The following GPM6B variants were observed in gnomAD, a reference collection of about 807,000 sequenced individuals.
GPM6B encodes neuronal membrane glycoprotein M6-b.
A neutral mutation model predicts 27.2 loss-of-function variants in GPM6B; 4 were observed. The observed-to-expected ratio is 0.15, with a 90% CI of 0.07 to 0.34. The LOEUF (loss-of-function observed/expected upper bound fraction) is 0.34, where lower values mean the gene tolerates loss of function less well. Among genes scored for constraint, GPM6B ranks in the 10% least tolerant of loss-of-function variants. The pLI, the probability that GPM6B is intolerant of heterozygous loss-of-function variation, is 1.00. For missense variants in GPM6B, 183 were observed against 261.9 expected, an observed-to-expected ratio of 0.70 and a Z score of 2.08; for synonymous variants, 124 against 103.1, an observed-to-expected ratio of 1.20 and a Z score of -1.23.
chrX:13,850,920 T>A (rs2049708616), intron 1 of GPM6B, among the ~76,000 whole-genome samples: 2 of 111,007 alleles, frequency 1.8e-5, no homozygotes, highest in Admixed American at 1.9e-4. Flanking sequence ...TCCCAGCACT[T>A]TGGGAGGCCA....
intron 1 of GPM6B, among the ~76,000 whole-genome samples, chrX:13,832,938 T>C (rs749241635): frequency 8.9e-6 from 1 of 112,062 alleles, no homozygotes; most frequent in South Asian, 3.8e-4. Flanking sequence ...TAGCACAGAA[T>C]CTGCAGATTT....
chrX:13,864,634 C>T (rs895085860), intron 1 of GPM6B, among the ~76,000 whole-genome samples: 1 of 112,594 alleles, frequency 8.9e-6, no homozygotes, highest in African/African-American at 3.2e-5. Context: ...AATATACTCA[C>T]TCATCGGTGA....
intron 4 of GPM6B, 57 bp from the exon 5 acceptor site, chrX:13,780,046 C>G: frequency 9.9e-7 from 1 of 1,012,535 alleles, no homozygotes. Flanking sequence ...TGTGTGTCCC[C>G]TAAGTGGAAG....
intron 1 of GPM6B, among the ~76,000 whole-genome samples, chrX:13,931,443 G>C (rs978914891): frequency 4.8e-5 from 5 of 104,989 alleles, no homozygotes; most frequent in Admixed American, 1.0e-4. Context: ...AGCCGAGATC[G>C]CACCACTGCA....
Position 13,931,420 on chromosome X carries a change from A to G in GPM6B, c.-198+6907T>C, listed in dbSNP as rs181089055. Among the ~76,000 whole-genome samples the G allele has an allele frequency of 4.0e-3, 428 of 107,552 alleles. 2 individuals are homozygous for G. Among genetic ancestry groups the G allele is most frequent in the Middle Eastern group, 9.6e-3 (2 of 208 alleles). The allele number at this position is 107,552 out of a possible 115,157, so 93.4% of individuals were successfully genotyped here. On this transcript the variant is annotated intron_variant, in intron 1 of 6. Transcript: ENST00000398361. ...AGAGAATGGCGTGAACCCAGGAGGC[A>G]GAGCTTGCAGTGAGCCGAGATCGCA... is the stretch of plus-strand genomic sequence containing the variant.
intron 2 of GPM6B, among the ~76,000 whole-genome samples, chrX:13,786,268 A>C (rs1433639950): frequency 3.6e-5 from 4 of 112,310 alleles, no homozygotes; most frequent in Non-Finnish European, 5.6e-5. Context: ...CTGGGGTTTC[A>C]ATACGTCTGC....
intron 1 of GPM6B, among the ~76,000 whole-genome samples, chrX:13,885,432 C>A (rs66634009): frequency 0.083 from 9,237 of 111,380 alleles, 500 homozygotes; most frequent in South Asian, 0.22. Flanking sequence ...CAAATAGAAG[C>A]ATTCAAAAAT....
At chrX:13,842,709 A>G (rs1402238202) in intron 1 of GPM6B, among the ~76,000 whole-genome samples, 3 of 110,676 alleles carry the variant, frequency 2.7e-5, no homozygotes, top group African/African-American at 1.0e-4. Context: ...TGAGGCCCCC[A>G]TGTCTACAAA....
intron 2 of GPM6B, among the ~76,000 whole-genome samples, chrX:13,802,298 C>T (rs921577710): frequency 9.1e-6 from 1 of 110,209 alleles, no homozygotes; most frequent in Admixed American, 9.7e-5. Context: ...ACAGAAAGCC[C>T]GAGATCAACA....
chrX:13,832,175 T>C (rs1008400489), intron 1 of GPM6B, among the ~76,000 whole-genome samples: 4 of 111,822 alleles, frequency 3.6e-5, no homozygotes, highest in African/African-American at 1.3e-4. Context: ...AGTGAGCATG[T>C]AGTTGTCACC....
chrX:13,804,813 GA>G (rs11371329), intron 2 of GPM6B, among the ~76,000 whole-genome samples: 5 of 98,519 alleles, frequency 5.1e-5, no homozygotes, highest in Non-Finnish European at 6.1e-5. Context: ...AAAAAAAAAA[GA>G]AAAAAAAAAG....
intron 1 of GPM6B, among the ~76,000 whole-genome samples, chrX:13,892,636 T>G (rs1484149832): frequency 1.8e-5 from 2 of 112,026 alleles, no homozygotes; most frequent in Non-Finnish European, 3.8e-5. Flanking sequence ...CTCAAGTGAT[T>G]CTCCTGTCTT....
chrX:13,926,054 C>CAAAAAAAAAAAAAAAAAAA (rs772441542), intron 1 of GPM6B, among the ~76,000 whole-genome samples: 5 of 99,201 alleles, frequency 5.0e-5, no homozygotes, highest in African/African-American at 1.9e-4. Context: ...GACTCCATCT[C>CAAAAAAAAAAAAAAAAAAA]AAAAAAAAAA....
chrX:13,825,067 C>G (rs1401396562), intron 1 of GPM6B, among the ~76,000 whole-genome samples: 1 of 111,695 alleles, frequency 9.0e-6, no homozygotes, highest in Non-Finnish European at 1.9e-5. Flanking sequence ...ATAAGGACAC[C>G]AGTCACATTG....
chrX:13,849,856 C>G (rs1451202156), intron 1 of GPM6B, among the ~76,000 whole-genome samples: 1 of 109,839 alleles, frequency 9.1e-6, no homozygotes, highest in Non-Finnish European at 1.9e-5. Flanking sequence ...GTCAGGAGTT[C>G]GATACCAGCC....
rs2048600461 is a variant in GPM6B, at chrX:13,785,754, A to G, written c.236T>C (p.Val79Ala). ...CCCGGAGAAGCAGAGGATGGTGGCC[A>G]CCAGGGAGGCGTAGGGGACTCCTCC... ...CLGGVPYASLVATILCFSGVA... is the reference protein window; with the variant it reads ...CLGGVPYASLAATILCFSGVA... Residue 79 changes from valine (V) to alanine (A), a missense_variant, in exon 3 of 8, where the codon GTG becomes GCG. By Grantham distance (64) the Val-to-Ala change is moderately conservative. Transcript: ENST00000316715. 1.7e-6 allele frequency: 2 copies of G among 1,211,134 alleles called. No individual in the cohort carries two copies. Among genetic ancestry groups the G allele is most frequent in the Non-Finnish European group, 2.2e-6 (2 of 894,738 alleles).
In GPM6B at chrX:13,877,900, G is replaced by A. The variant is rs182295885; in HGVS notation, c.-198+60427C>T. On this transcript the variant is annotated intron_variant, in intron 1 of 6. Coordinates refer to the GPM6B transcript ENST00000398361. ...TTTTTCCCCTAGTTTAAGTCCTTCT[G>A]ACATTTCACAACTAAATATCTCAGT... 3.1e-5 allele frequency among the ~76,000 whole-genome samples: 3 copies of A among 97,378 alleles called. No individual in the cohort carries two copies. In the East Asian group the frequency reaches 9.8e-4, roughly 32 times the overall value. 84.6% of individuals were successfully genotyped at this position (97,378 alleles called of 115,157 possible).
At chrX:13,871,494 A>G (rs1221557132) in intron 1 of GPM6B, among the ~76,000 whole-genome samples, 2 of 112,144 alleles carry the variant, frequency 1.8e-5, no homozygotes, top group African/African-American at 6.5e-5. Flanking sequence ...GAATCGAGTT[A>G]GATTAGCGCC....
chrX:13,866,705 T>A (rs1202446556), intron 1 of GPM6B, among the ~76,000 whole-genome samples: 1 of 110,260 alleles, frequency 9.1e-6, no homozygotes, highest in East Asian at 2.8e-4. Flanking sequence ...CAGGGAAGAG[T>A]AGACGAAAAA....
Sources: gnomAD v4.1 joint callset for allele counts (sites outside exome capture counted in the v4.1 genomes callset) on GRCh38, gnomAD v4.1.1 for gene constraint, MANE v1.5 for transcripts, NCBI Gene and HGNC (gene_info 2026-07-23, HGNC 2026-07-21) for gene names.